The following CROCC variants were observed in gnomAD, a reference collection of about 807,000 sequenced individuals.
CROCC encodes rootletin.
A neutral mutation model predicts 245.2 loss-of-function variants in CROCC; 180 were observed. The ratio of observed to expected loss-of-function variants is 0.73; its 90% CI spans 0.65 to 0.83. The LOEUF is 0.83. Among genes scored for constraint, CROCC ranks in the 40% least tolerant of loss-of-function variants. The pLI is 0.00. For synonymous variants in CROCC, 1,205 were observed against 1,241.6 expected (o/e 0.97, Z 0.62); for missense variants, 2,688 against 2,779.4 (o/e 0.97, Z 0.74).
chr1:16,917,051 G>A (rs867016805), upstream of CROCC, among the ~76,000 whole-genome samples: 9 of 152,412 alleles, frequency 5.9e-5, no homozygotes, highest in Middle Eastern at 3.4e-3. Context: ...CCAGGAGGCG[G>A]AGGTTGCAGT....
intron 1 of CROCC, among the ~76,000 whole-genome samples, chr1:16,915,796 CA>C (rs1260668553): frequency 1.6e-4 from 24 of 152,350 alleles, no homozygotes; most frequent in African/African-American, 5.8e-4. Flanking sequence ...GTCAGCTGTG[CA>C]AAAGAAGGGG....
At chr1:16,971,716 A>T (rs928252575) in intron 36 of CROCC, 69 bp downstream of exon 36, 5 of 1,369,912 alleles carry the variant, frequency 3.6e-6, no homozygotes, top group Non-Finnish European at 4.8e-6. Context: ...GAGAGACCCA[A>T]TCAAGACCTT....
At chr1:16,971,286 C>T (rs557536286) in intron 35 of CROCC, among the ~76,000 whole-genome samples, 179 bp from the exon 36 acceptor site, 3 of 151,666 alleles carry the variant, frequency 2.0e-5, no homozygotes, top group Admixed American at 2.0e-4. Flanking sequence ...TCATTGGGTG[C>T]ACTCATCCTG....
In CROCC at chr1:16,930,607, G is replaced by T. The variant is rs1429697042; in HGVS notation, c.849+13G>T. On this transcript the variant is annotated intron_variant, in intron 7 of 36. Transcript: ENST00000375541. ...GCGCGAGGAGGAGGTGGGCATGGGG[G>T]TGCAGGGAGGCCAGCCTGACCCAAG... is the stretch of plus-strand genomic sequence containing the variant. 7 of 1,601,230 alleles carry T rather than the reference G, an allele frequency of 4.4e-6. No individual in the cohort carries two copies. The highest frequency in any genetic ancestry group is 6.0e-6 in the Non-Finnish European group (7 of 1,174,460).
chr1:16,919,956 A>G (rs1201037846), upstream of CROCC, among the ~76,000 whole-genome samples: 1 of 152,256 alleles, frequency 6.6e-6, no homozygotes, highest in African/African-American at 2.4e-5. Flanking sequence ...CTGTGGCACA[A>G]TCTCGGCTCA....
chr1:16,938,987 C>A lies in CROCC; in HGVS notation c.1453C>A (p.Arg485=). The change falls in exon 12 of 37, where the codon CGG becomes AGG. Residue 485 remains arginine, a synonymous_variant. Transcript: ENST00000375541. ...RTADASNGSL[R]GLSGQRTPSP... is the part of the protein sequence containing the mutation. ...CGCGGATGCTTCCAACGGCAGCCTG[C>A]GGGGGCTCTCGGGCCAGCGGACCCC... 1 of 1,603,928 alleles carries A rather than the reference C, an allele frequency of 6.2e-7. No homozygotes were observed. The highest frequency in any genetic ancestry group is 8.5e-7 in the Non-Finnish European group (1 of 1,176,842).
rs2075996175 is a variant in CROCC at position 16,944,240 on chromosome 1, C to T, written c.1949C>T (p.Ala650Val). 9.0e-6 allele frequency: 14 copies of T among 1,554,142 alleles called. No individual in the cohort carries two copies. Among genetic ancestry groups the T allele is most frequent in the Non-Finnish European group, 1.1e-5 (13 of 1,149,054 alleles). Reference sequence around the variant, plus strand: ...CGGCTGGAGGAAGAGCAGGAGGACGCAGTGCAGGATGGCGCGCGGGTGCGC... The same window carrying T: ...CGGCTGGAGGAAGAGCAGGAGGACGTAGTGCAGGATGGCGCGCGGGTGCGC... ...RDRLEEEQED[A>V]VQDGARVRRE... The change falls in exon 14 of 37, where the codon GCA becomes GTA. Residue 650 changes from alanine to valine, a missense_variant. Around this residue, in one of 9 missense-constraint regions of CROCC, gnomAD observed 972 missense variants for 895.3 expected, o/e 1.09. Transcript: ENST00000375541.
Position 16,948,352 on chromosome 1 carries a change from C to A in CROCC, c.2536C>A (p.Arg846=), listed in dbSNP as rs368376913. ...CCAGCTCTCCCGGCAGCTGAGCGGG[C>A]GGGAGCAGGAGCTGGAGCAGGCCCG... is the stretch of plus-strand genomic sequence containing the variant. ...LAQLSRQLSG[R]EQELEQARRE... Residue 846 remains arginine, a synonymous_variant, in exon 18 of 37, where the codon CGG becomes AGG. Coordinates refer to ENST00000375541, the MANE Select transcript of CROCC (RefSeq NM_014675.5). 1,332 of 1,576,484 alleles carry A rather than the reference C, an allele frequency of 8.4e-4. 1 individual carries two copies. Among genetic ancestry groups the A allele is most frequent in the Non-Finnish European group, 9.8e-4 (1,139 of 1,165,298 alleles).
At chr1:16,934,676 A>G (rs2075749157) in intron 8 of CROCC, among the ~76,000 whole-genome samples, 1 of 152,276 alleles carries the variant, frequency 6.6e-6, no homozygotes, top group African/African-American at 2.4e-5. Context: ...ATTAAGTCAC[A>G]TGTTCACAAG....
chr1:16,948,517 C>A lies in CROCC; in HGVS notation c.2701C>A (p.Arg901Ser), dbSNP rs370572797. ...EGRTLSEEAT[R>S]LRLEKEALEG... Reference sequence around the variant, plus strand: ...CAGGACCCTGTCAGAGGAGGCCACACGCCTGCGGTAAGGCCTTGGGCTCTG... The same window carrying A: ...CAGGACCCTGTCAGAGGAGGCCACAAGCCTGCGGTAAGGCCTTGGGCTCTG... Residue 901 changes from arginine (R) to serine (S), a missense_variant, in exon 18 of 37, where the codon CGC (arginine) becomes AGC (serine). Transcript: ENST00000375541. 1 of 1,539,936 alleles carries A rather than the reference C, an allele frequency of 6.5e-7. No homozygotes were observed.
Position 16,971,553 on chromosome 1 carries a change from T to TGGAGC in CROCC, c.5876_5880dup (p.Leu1961SerfsTer35), listed in dbSNP as rs977088408. The stretch of plus-strand genomic sequence containing the variant: ...CAGCAGCTGGAGCTGCAGCAGGAGG[T>TGGAGC]GGAGCGGCTGCGCAGCGCCCAGGCG... On this transcript the variant is annotated frameshift_variant, in exon 36 of 37. Transcript: ENST00000375541. LOFTEE classifies it high-confidence loss of function. The TGGAGC allele has an allele frequency of 1.3e-6, 2 of 1,536,206 alleles. No homozygotes were observed. The highest frequency in any genetic ancestry group is 1.7e-6 in the Non-Finnish European group (2 of 1,146,028).
chr1:16,959,901 C>G (rs572548713), intron 26 of CROCC, among the ~76,000 whole-genome samples: 2 of 152,076 alleles, frequency 1.3e-5, no homozygotes, highest in East Asian at 3.9e-4. Flanking sequence ...TCCCCCACCC[C>G]CCAGGGCTGT....
chr1:16,947,950 T>C (rs1346833462), intron 17 of CROCC, among the ~76,000 whole-genome samples: 1 of 152,244 alleles, frequency 6.6e-6, no homozygotes, highest in African/African-American at 2.4e-5. Flanking sequence ...GCTGTTCGCC[T>C]GCCTCAGCGT....
At position 16,970,347 on chromosome 1, in the gene CROCC, G is replaced by A; in HGVS notation, c.5546G>A (p.Ser1849Asn). ...CGGCTGCTGCAGGAGCGCCTGGGAA[G>A]CCTGCAGCGCGCCCTGGCTCAGCTG... ...ERRLLQERLG[S>N]LQRALAQLEA... Residue 1849 changes from serine to asparagine, a missense_variant, in exon 34 of 37, where the codon AGC becomes AAC. Ser to Asn is a conservative substitution (Grantham distance 46). Around this residue, in one of 9 missense-constraint regions of CROCC, gnomAD observed 1,218 missense variants for 1,286.3 expected, o/e 0.95. Transcript: ENST00000375541. The A allele has an allele frequency of 6.3e-7, 1 of 1,592,516 alleles. No individual in the cohort carries two copies. The highest frequency in any genetic ancestry group is 8.5e-7 in the Non-Finnish European group (1 of 1,170,586).
In CROCC at chr1:16,969,219, A is replaced by G; in HGVS notation, c.5180A>G (p.Lys1727Arg). Residue 1727 changes from lysine to arginine, a missense_variant, in exon 32 of 37, where the codon AAG (lysine) becomes AGG (arginine). Physicochemically the swap from Lys to Arg is conservative, Grantham distance 26. Around this residue, in one of 9 missense-constraint regions of CROCC, gnomAD observed 1,218 missense variants for 1,286.3 expected, o/e 0.95. Transcript: ENST00000375541. ...GAAAGCGAGGGGGCCCTGCGGGACA[A>G]GGTGCGGGGCCTGACAGAGGCCCTG... Reference protein sequence around the residue: ...VEESEGALRDKVRGLTEALAQ... With the variant: ...VEESEGALRDRVRGLTEALAQ... The G allele has an allele frequency of 1.2e-6, 2 of 1,611,360 alleles. No homozygotes were observed. Among genetic ancestry groups the G allele is most frequent in the Non-Finnish European group, 1.7e-6 (2 of 1,178,118 alleles).
chr1:16,953,457 C>T lies in CROCC; in HGVS notation c.3162C>T (p.Leu1054=). ...AGCAGGAGCGCGACGAGGGCCTCCTCCTAGCAGAGAGTGAGAAGCAGCAGG... is the reference window on the plus strand; with the variant it reads ...AGCAGGAGCGCGACGAGGGCCTCCTTCTAGCAGAGAGTGAGAAGCAGCAGG... ...ALQQERDEGL[L]LAESEKQQAL... Residue 1054 remains leucine (L), a synonymous_variant, in exon 21 of 37, where the codon CTC becomes CTT. Coordinates refer to ENST00000375541, the MANE Select transcript of CROCC (RefSeq NM_014675.5). 1 of 1,608,270 alleles carries T rather than the reference C, an allele frequency of 6.2e-7. No individual in the cohort carries two copies. The highest frequency in any genetic ancestry group is 8.5e-7 in the Non-Finnish European group (1 of 1,179,766).
chr1:16,961,336 T>C (rs2076330266), intron 27 of CROCC, among the ~76,000 whole-genome samples: 2 of 151,698 alleles, frequency 1.3e-5, no homozygotes, highest in South Asian at 4.2e-4. Context: ...GGCGCTTCTT[T>C]TTTCTTTAGA....
chr1:16,943,950 C>A, intron 13 of CROCC, 150 bp from the exon 14 acceptor site: 1 of 763,896 alleles, frequency 1.3e-6, no homozygotes, highest in Non-Finnish European at 2.1e-6. Context: ...AATGAGTCAG[C>A]CATGGACAGG....
Position 16,971,555 on chromosome 1 carries a change from GA to G in CROCC, c.5876del (p.Glu1959GlyfsTer35). The G allele has an allele frequency of 6.5e-7, 1 of 1,536,562 alleles. No individual in the cohort carries two copies. The highest frequency in any genetic ancestry group is 8.7e-7 in the Non-Finnish European group (1 of 1,146,074). On this transcript the variant is annotated frameshift_variant, in exon 36 of 37. Coordinates refer to ENST00000375541, the MANE Select transcript of CROCC (RefSeq NM_014675.5). LOFTEE classifies it high-confidence loss of function. ...GCAGCTGGAGCTGCAGCAGGAGGTGGAGCGGCTGCGCAGCGCCCAGGCGCAG... is the reference window on the plus strand; with the variant it reads ...GCAGCTGGAGCTGCAGCAGGAGGTGGGCGGCTGCGCAGCGCCCAGGCGCAG... Reference protein sequence around the residue: ...QQQLELQQEVERLRSAQAQTE... With the variant: ...QQQLELQQEVXRLRSAQAQTE...
Sources: gnomAD v4.1 joint callset for allele counts (sites outside exome capture counted in the v4.1 genomes callset) on GRCh38, gnomAD v4.1.1 for gene constraint, gnomAD v4.1.1 regional missense constraint, MANE v1.5 for transcripts, NCBI Gene and HGNC (gene_info 2026-07-23, HGNC 2026-07-21) for gene names.